CCNJL: variants seen among roughly 807,000 people sequenced by gnomAD.
The protein encoded by CCNJL is cyclin-J-like protein.
Under a neutral mutation model 33.4 loss-of-function variants are expected in CCNJL, and 33 were observed. That is an observed-to-expected ratio of 0.99 (90% CI 0.75 to 1.32). The LOEUF (loss-of-function observed/expected upper bound fraction) is 1.32. Ranked by LOEUF, CCNJL falls within the 40% of genes most tolerant of loss-of-function variation. The probability of loss-of-function intolerance (pLI) is 0.00; values close to 1 mark genes in which losing one functional copy is unlikely to be tolerated. For synonymous variants in CCNJL, 227 were observed against 220.9 expected (o/e 1.03, Z -0.24); for missense variants, 512 against 499.7 (o/e 1.02, Z -0.23).
At chr5:160,257,732 G>A (rs918665381) in intron 4 of CCNJL, among the ~76,000 whole-genome samples, 19 of 152,258 alleles carry the variant, frequency 1.2e-4, no homozygotes, top group African/African-American at 4.1e-4. Flanking sequence ...ATTAATGGAG[G>A]TGATTTTGGT....
intron 2 of CCNJL, among the ~76,000 whole-genome samples, chr5:160,303,680 TAAAC>T (rs932117517): frequency 7.3e-5 from 11 of 150,180 alleles, no homozygotes; most frequent in African/African-American, 2.5e-4. Flanking sequence ...TGCCATTTCT[TAAAC>T]AAATCCTCTG....
chr5:160,292,764 C>T (rs77191776), intron 2 of CCNJL, among the ~76,000 whole-genome samples: 5,032 of 152,080 alleles, frequency 0.033, 154 homozygotes, highest in African/African-American at 0.085. Context: ...GCAGACACTG[C>T]ATTCCATGCA....
At chr5:160,319,030 T>C (rs1244668964) in intron 1 of CCNJL, among the ~76,000 whole-genome samples, 1 of 152,232 alleles carries the variant, frequency 6.6e-6, no homozygotes, top group African/African-American at 2.4e-5. Context: ...GTCCAAAAAC[T>C]ATCTCACACT....
At chr5:160,299,029 A>G (rs1350721301) in intron 2 of CCNJL, among the ~76,000 whole-genome samples, 1 of 152,010 alleles carries the variant, frequency 6.6e-6, no homozygotes, top group African/African-American at 2.4e-5. Flanking sequence ...CCCAGGCTAC[A>G]GTGTAGTGGC....
At chr5:160,283,964 C>T (rs4921123) in intron 2 of CCNJL, among the ~76,000 whole-genome samples, 36,159 of 152,060 alleles carry the variant, frequency 0.24, 4,416 homozygotes, top group East Asian at 0.37. Flanking sequence ...CTCTTTTTTA[C>T]GGCTGAATAG....
intron 1 of CCNJL, among the ~76,000 whole-genome samples, chr5:160,320,841 CTTTCT>C (rs1763438071): frequency 1.0e-5 from 1 of 99,792 alleles, no homozygotes; most frequent in African/African-American, 3.5e-5. Flanking sequence ...TTCTTTCTTT[CTTTCT>C]TTCCTTCTTT....
intron 3 of CCNJL, among the ~76,000 whole-genome samples, chr5:160,261,680 C>A (rs1368713102): frequency 1.3e-5 from 2 of 152,122 alleles, no homozygotes; most frequent in Non-Finnish European, 2.9e-5. Context: ...GGACTCCAAC[C>A]CCTCCCCGGG....
At chr5:160,294,736 G>A (rs1355706569) in intron 2 of CCNJL, 1 of 152,244 alleles carries the variant, frequency 6.6e-6, no homozygotes, top group African/African-American at 2.4e-5. Flanking sequence ...ACCTTCTGGA[G>A]TGGAGGACTG....
At position 160,283,006 on chromosome 5, in the gene CCNJL, T is replaced by TATAC. The variant is rs1172305576; in HGVS notation, c.67-2272_67-2269dup. Among the ~76,000 whole-genome samples the TATAC allele has an allele frequency of 1.7e-4, 10 of 57,508 alleles. No individual in the cohort carries two copies. The South Asian group carries it at 3.1e-3, about 18-fold the overall frequency. 37.7% of individuals were successfully genotyped at this position (57,508 alleles called of 152,430 possible). A position where few individuals can be genotyped will look rare whatever the true frequency, so the allele number is the denominator to read the frequency against. On this transcript the variant is annotated intron_variant, in intron 2 of 5. Transcript: ENST00000257536. ...ATATATATATATATATATATATATA[T>TATAC]ATACATATATATATATATATACCTA...
chr5:160,269,451 C>G (rs894523580), intron 3 of CCNJL: 2 of 456,430 alleles, frequency 4.4e-6, no homozygotes, highest in Admixed American at 4.7e-5. Context: ...AGAAAGCTCA[C>G]TCCTAACTCA....
chr5:160,254,032 C>A (rs1308217467), intron 5 of CCNJL: 2 of 474,068 alleles, frequency 4.2e-6, no homozygotes, highest in Admixed American at 7.7e-5. Flanking sequence ...TCTGGCCCCT[C>A]CAGACTAGGC....
chr5:160,258,427 AG>A (rs1460843891), intron 4 of CCNJL: 3 of 918,828 alleles, frequency 3.3e-6, no homozygotes, highest in Non-Finnish European at 5.5e-6. Flanking sequence ...TTATAATGAC[AG>A]GATGTTTCAC....
At chr5:160,272,847 C>T (rs1761885278) in intron 3 of CCNJL, among the ~76,000 whole-genome samples, 1 of 152,166 alleles carries the variant, frequency 6.6e-6, no homozygotes, top group Admixed American at 6.6e-5. Context: ...ATTTATCTTA[C>T]AGACAGACTC....
chr5:160,312,023 C>T (rs983572789), intron 1 of CCNJL, 51 bp from the exon 2 acceptor site: 42 of 1,136,000 alleles, frequency 3.7e-5, no homozygotes, highest in African/African-American at 3.4e-4. Context: ...CGGGCTCCGA[C>T]CCCCGGTGTC....
intron 2 of CCNJL, among the ~76,000 whole-genome samples, chr5:160,292,501 G>A (rs1283278578): frequency 1.3e-5 from 2 of 151,846 alleles, no homozygotes; most frequent in African/African-American, 2.4e-5. Flanking sequence ...AGCACCTGTA[G>A]GCCTAACTAC....
chr5:160,269,731 G>A lies in CCNJL; in HGVS notation c.281-9960C>T, dbSNP rs529871356. Among the ~76,000 whole-genome samples, 71 of 152,212 alleles carry A rather than the reference G, an allele frequency of 4.7e-4. 1 individual carries two copies. Among genetic ancestry groups the A allele is most frequent in the African/African-American group, 1.5e-3 (64 of 41,506 alleles). ...CCAGGAGTCTCCCAGCAATCTCTCCGCGTTCTGACCTGAATCTTCCTGGCA... is the reference window on the plus strand; with the variant it reads ...CCAGGAGTCTCCCAGCAATCTCTCCACGTTCTGACCTGAATCTTCCTGGCA... On this transcript the variant is annotated intron_variant, in intron 3 of 5. Transcript: ENST00000257536.
chr5:160,278,877 G>C (rs1203647569), intron 3 of CCNJL, among the ~76,000 whole-genome samples: 1 of 152,352 alleles, frequency 6.6e-6, no homozygotes, highest in African/African-American at 2.4e-5. Context: ...TGTTTCACAA[G>C]CCCCGCAGAC....
intron 2 of CCNJL, among the ~76,000 whole-genome samples, chr5:160,309,220 T>C (rs1763189834): frequency 6.6e-6 from 1 of 152,330 alleles, no homozygotes; most frequent in African/African-American, 2.4e-5. Flanking sequence ...AGAGGTTAAA[T>C]GAGCAGATCA....
At chr5:160,320,000 A>G (rs1040974543) in intron 1 of CCNJL, among the ~76,000 whole-genome samples, 3 of 152,218 alleles carry the variant, frequency 2.0e-5, no homozygotes, top group African/African-American at 7.2e-5. Flanking sequence ...ACCTATGGGA[A>G]TCACCTGGCC....
Sources: allele counts gnomAD v4.1 joint callset (sites outside exome capture counted in the v4.1 genomes callset), GRCh38; gene constraint gnomAD v4.1.1; transcripts MANE v1.5; gene names NCBI Gene and HGNC (gene_info 2026-07-23, HGNC 2026-07-21).